Variants in TMEM178B observed in about 807,000 individuals in gnomAD.
TMEM178B encodes transmembrane protein 178B.
A neutral mutation model predicts 31.0 loss-of-function variants in TMEM178B; 5 were observed. The observed-to-expected ratio is 0.16, with a 90% CI of 0.08 to 0.34. The LOEUF is 0.34. TMEM178B is among the 10% of genes least tolerant of loss of function. TMEM178B has a pLI of 1.00. For missense variants in TMEM178B, 275 were observed against 400.3 expected, an observed-to-expected ratio of 0.69 and a Z score of 2.67; for synonymous variants, 164 against 164.0, an observed-to-expected ratio of 1.00 and a Z score of 0.00.
the TMEM178B span, among the ~76,000 whole-genome samples, chr7:141,510,859 G>C: frequency 6.6e-6 from 1 of 152,086 alleles, no homozygotes; most frequent in African/African-American, 2.4e-5. Context: ...CCAGCTTCAG[G>C]AAACCCAGCC....
intron 3 of TMEM178B, among the ~76,000 whole-genome samples, chr7:141,462,149 G>T (rs2116719386): frequency 6.6e-6 from 1 of 152,266 alleles, no homozygotes; most frequent in East Asian, 1.9e-4. Flanking sequence ...GTAGCCAATT[G>T]GACTCTCTTA....
rs980924820 is a variant in TMEM178B, at chr7:141,120,123, A to G, written c.382+45431A>G. ...GGATCTGGCTTAGAATAGTGAGGCG[A>G]TATCAACAGTGCGTGCCATGTGGAC... On this transcript the variant is annotated intron_variant, in intron 1 of 3. Transcript: ENST00000565468. Among the ~76,000 whole-genome samples the G allele has an allele frequency of 2.0e-5, 3 of 152,214 alleles. No homozygotes were observed. In the East Asian group the frequency reaches 5.8e-4, roughly 29 times the overall value.
chr7:141,311,189 C>A (rs1177096839), intron 2 of TMEM178B, among the ~76,000 whole-genome samples: 1 of 152,122 alleles, frequency 6.6e-6, no homozygotes, highest in African/African-American at 2.4e-5. Context: ...CTAGCCAATG[C>A]ATGTGGGGTT....
At chr7:141,459,116 G>A (rs953401469) in intron 3 of TMEM178B, among the ~76,000 whole-genome samples, 9 of 152,124 alleles carry the variant, frequency 5.9e-5, no homozygotes, top group East Asian at 3.8e-4. Context: ...TGCAACCTCC[G>A]CCTCCGGGGT....
intron 1 of TMEM178B, among the ~76,000 whole-genome samples, chr7:141,163,350 A>G (rs558039986): frequency 7.3e-5 from 11 of 150,968 alleles, no homozygotes; most frequent in Non-Finnish European, 1.5e-4. Flanking sequence ...GATATTGACC[A>G]AAACAAGTTA....
chr7:141,360,468 C>G (rs1586912284), intron 2 of TMEM178B, among the ~76,000 whole-genome samples: 1 of 152,232 alleles, frequency 6.6e-6, no homozygotes, highest in African/African-American at 2.4e-5. Flanking sequence ...TAAGGCCAGG[C>G]TTTCACAAAG....
At chr7:141,499,653 A>G in the TMEM178B span, among the ~76,000 whole-genome samples, 1 of 151,938 alleles carries the variant, frequency 6.6e-6, no homozygotes, top group South Asian at 2.1e-4. Flanking sequence ...AAACCAACAA[A>G]AAAACCCCAC....
Position 141,310,684 on chromosome 7 carries a change from G to A in TMEM178B, c.496+97980G>A, listed in dbSNP as rs1231979015. 4.6e-5 allele frequency among the ~76,000 whole-genome samples: 7 copies of A among 152,114 alleles called. No individual in the cohort carries two copies. In the East Asian group the frequency reaches 7.7e-4, roughly 17 times the overall value. Reference sequence around the variant, plus strand: ...GCTGGCGAGGCTGTGGACAAATAACGCTTTTACACTGTTGCTGGGAATGTA... The same window carrying A: ...GCTGGCGAGGCTGTGGACAAATAACACTTTTACACTGTTGCTGGGAATGTA... On this transcript the variant is annotated intron_variant, in intron 2 of 3. Coordinates refer to ENST00000565468, the MANE Select transcript of TMEM178B (RefSeq NM_001195278.2).
At position 141,293,842 on chromosome 7, in the gene TMEM178B, T is replaced by A. The variant is rs1408224358; in HGVS notation, c.496+81138T>A. ...TGGCATGTAGAGAGTGAGTAGGAAG[T>A]CTTTATAAACCTATAATAATAGAAG... is the stretch of plus-strand genomic sequence containing the variant. On this transcript the variant is annotated intron_variant, in intron 2 of 3. Transcript: ENST00000565468. Among the ~76,000 whole-genome samples the A allele has an allele frequency of 5.3e-5, 8 of 152,288 alleles. No homozygotes were observed. In the East Asian group the frequency reaches 1.5e-3, roughly 29 times the overall value.
At chr7:141,122,406 G>T (rs1795424451) in intron 1 of TMEM178B, among the ~76,000 whole-genome samples, 3 of 152,204 alleles carry the variant, frequency 2.0e-5, no homozygotes, top group African/African-American at 7.2e-5. Flanking sequence ...GACAATTATT[G>T]TAGCATCTTT....
At chr7:141,223,822 T>C (rs2129190132) in intron 2 of TMEM178B, among the ~76,000 whole-genome samples, 1 of 152,294 alleles carries the variant, frequency 6.6e-6, no homozygotes, top group East Asian at 1.9e-4. Flanking sequence ...AAATATTCTG[T>C]AAGTCTGTGT....
chr7:141,076,630 T>C (rs1794604524), intron 1 of TMEM178B, among the ~76,000 whole-genome samples: 2 of 152,208 alleles, frequency 1.3e-5, no homozygotes, highest in Admixed American at 1.3e-4. Context: ...AGTGACATGT[T>C]CTTCCGGTGA....
intron 3 of TMEM178B, among the ~76,000 whole-genome samples, chr7:141,457,568 G>A (rs1801988414): frequency 6.6e-6 from 1 of 152,114 alleles, no homozygotes; most frequent in Non-Finnish European, 1.5e-5. Context: ...TTAACCAAAG[G>A]AAGAAAGAAG....
At chr7:141,306,550 A>G (rs1041033000) in intron 2 of TMEM178B, among the ~76,000 whole-genome samples, 7 of 152,030 alleles carry the variant, frequency 4.6e-5, no homozygotes, top group African/African-American at 1.7e-4. Context: ...TAGGTTTATT[A>G]ATATGAGCAG....
chr7:141,442,606 A>G (rs1414611342), intron 3 of TMEM178B, among the ~76,000 whole-genome samples: 1 of 152,054 alleles, frequency 6.6e-6, no homozygotes. Flanking sequence ...CCAAAGTTTT[A>G]CTTCAAGGCC....
intron 2 of TMEM178B, among the ~76,000 whole-genome samples, chr7:141,417,109 G>C (rs571029628): frequency 2.6e-5 from 4 of 152,188 alleles, no homozygotes; most frequent in Non-Finnish European, 5.9e-5. Flanking sequence ...CACATAGTAA[G>C]TGCTGAGTAA....
At chr7:141,133,846 A>C (rs1586788056) in intron 1 of TMEM178B, among the ~76,000 whole-genome samples, 1 of 152,218 alleles carries the variant, frequency 6.6e-6, no homozygotes, top group East Asian at 1.9e-4. Flanking sequence ...GGAAAGTATT[A>C]AGTTACATGT....
At chr7:141,150,473 C>T (rs1431076628) in intron 1 of TMEM178B, among the ~76,000 whole-genome samples, 1 of 152,196 alleles carries the variant, frequency 6.6e-6, no homozygotes, top group African/African-American at 2.4e-5. Context: ...GAAGTCCTCC[C>T]CAACAAAGAA....
At chr7:141,327,647 A>T (rs1408911730) in intron 2 of TMEM178B, among the ~76,000 whole-genome samples, 1 of 152,114 alleles carries the variant, frequency 6.6e-6, no homozygotes, top group Non-Finnish European at 1.5e-5. Context: ...TGTGTTGGAA[A>T]CTTGATCCCA....
Sources: allele counts gnomAD v4.1 joint callset (sites outside exome capture counted in the v4.1 genomes callset), GRCh38; gene constraint gnomAD v4.1.1; transcripts MANE v1.5; gene names NCBI Gene and HGNC (gene_info 2026-07-23, HGNC 2026-07-21).